The following RILPL1 variants were observed in gnomAD, a reference collection of about 807,000 sequenced individuals.
RILPL1 encodes the protein Rab interacting lysosomal protein like 1, also known as RILP-like protein 1.
Under a neutral mutation model 50.3 loss-of-function variants are expected in RILPL1, and 33 were observed. That is an observed-to-expected ratio of 0.66 (90% CI 0.50 to 0.88). RILPL1 has a LOEUF of 0.88. RILPL1 is among the 40% of genes least tolerant of loss of function. The pLI, the probability that RILPL1 is intolerant of heterozygous loss-of-function variation, is 0.00. For synonymous variants in RILPL1, 205 were observed against 228.6 expected, an observed-to-expected ratio of 0.90 and a Z score of 0.93; for missense variants, 418 against 542.5, an observed-to-expected ratio of 0.77 and a Z score of 2.28.
chr12:123,515,232 TA>T (rs1461501886), intron 2 of RILPL1: 2 of 152,072 alleles, frequency 1.3e-5, no homozygotes, highest in Non-Finnish European at 2.9e-5. Flanking sequence ...GAATTTTAAT[TA>T]AAATACATAA....
In RILPL1 at chr12:123,498,700, C is replaced by T; in HGVS notation, c.645G>A (p.Val215=). 6.2e-7 allele frequency: 1 copy of T among 1,613,720 alleles called. No homozygotes were observed. The highest frequency in any genetic ancestry group is 1.6e-4 in the Middle Eastern group (1 of 6,062). Residue 215 remains valine, a synonymous_variant, in exon 4 of 7, where the codon GTG becomes GTA. Coordinates refer to ENST00000376874, the MANE Select transcript of RILPL1 (RefSeq NM_178314.5). This position sits in a 1 kb window ranked among gnomAD's most constrained non-coding sequence, Gnocchi z 4.3. ...CGATCAGGGCTTTCCCCTGGGCCTC[C>T]ACCACCGTGACCCGGTGCCGAAGGT... is the stretch of plus-strand genomic sequence containing the variant. ...NHDLRHRVTV[V]EAQGKALIEQ...
Position 123,512,884 on chromosome 12 carries a change from G to C in RILPL1, c.460+10611C>G, listed in dbSNP as rs552520527. Among the ~76,000 whole-genome samples, 1,071 of 147,364 alleles carry C rather than the reference G, an allele frequency of 7.3e-3. 9 individuals carry two copies. Among genetic ancestry groups the C allele is most frequent in the Non-Finnish European group, 0.012 (779 of 66,842 alleles). ...TGTGTGGTGTGTGAGGTCTGTGTGT[G>C]TGTGGTGTGTGCAGTGTGAGTGCGT... On this transcript the variant is annotated intron_variant, in intron 2 of 6. Transcript: ENST00000376874.
intron 2 of RILPL1, among the ~76,000 whole-genome samples, chr12:123,504,217 G>A (rs1004457125): frequency 1.3e-5 from 2 of 152,112 alleles, no homozygotes; most frequent in Non-Finnish European, 2.9e-5. Context: ...GAACAAGGGG[G>A]AAACGTCCCT....
At chr12:123,510,079 CA>C (rs1883993521) in intron 2 of RILPL1, among the ~76,000 whole-genome samples, 1 of 152,220 alleles carries the variant, frequency 6.6e-6, no homozygotes, top group African/African-American at 2.4e-5. Flanking sequence ...CAGGTGGCCG[CA>C]GGAGTTGCTC....
chr12:123,521,684 TACACAC>T (rs1176692874), intron 2 of RILPL1, among the ~76,000 whole-genome samples: 679 of 18,780 alleles, frequency 0.036, 19 homozygotes, highest in Admixed American at 0.27. Flanking sequence ...TATATATATA[TACACAC>T]ATATATGTAT....
At chr12:123,476,854 A>G (rs766813872) in intron 6 of RILPL1, among the ~76,000 whole-genome samples, 7 of 152,232 alleles carry the variant, frequency 4.6e-5, no homozygotes, top group Admixed American at 6.5e-5. Flanking sequence ...GAGGGATGAC[A>G]GAGTGGCTCC....
intron 2 of RILPL1, among the ~76,000 whole-genome samples, chr12:123,512,874 GTC>G (rs985207647): frequency 3.6e-5 from 5 of 139,358 alleles, no homozygotes; most frequent in African/African-American, 1.1e-4. Flanking sequence ...GGTGTGTGAG[GTC>G]TGTGTGTGTG....
At chr12:123,523,129 G>C (rs182044207) in intron 2 of RILPL1, among the ~76,000 whole-genome samples, 2 of 152,168 alleles carry the variant, frequency 1.3e-5, no homozygotes, top group Non-Finnish European at 2.9e-5. Context: ...GCCGCCCCCT[G>C]GAACTATGGT....
chr12:123,483,842 C>T (rs1882150007), intron 6 of RILPL1, among the ~76,000 whole-genome samples: 1 of 152,150 alleles, frequency 6.6e-6, no homozygotes, highest in South Asian at 2.1e-4. Context: ...CACAACCCAC[C>T]CCTACCTCGC....
chr12:123,475,596 G>C, intron 6 of RILPL1: 1 of 1,032,716 alleles, frequency 9.7e-7, no homozygotes, highest in South Asian at 1.3e-5. Flanking sequence ...GTCAGCCCCA[G>C]CAGTAGCCGA....
intron 2 of RILPL1, among the ~76,000 whole-genome samples, chr12:123,500,977 G>A (rs572042309): frequency 4.5e-4 from 69 of 151,846 alleles, no homozygotes; most frequent in African/African-American, 6.5e-4. Flanking sequence ...CTATGGTGGC[G>A]GGCACCTGTA....
chr12:123,493,343 T>A (rs887626456), intron 4 of RILPL1, among the ~76,000 whole-genome samples: 49 of 150,804 alleles, frequency 3.2e-4, no homozygotes, highest in African/African-American at 9.5e-4. Context: ...CTCTCCCCAC[T>A]ATTGTCTTGT....
intron 2 of RILPL1, among the ~76,000 whole-genome samples, chr12:123,505,863 G>A (rs147029445): frequency 3.3e-5 from 5 of 152,280 alleles, no homozygotes; most frequent in African/African-American, 1.2e-4. Flanking sequence ...GGGCTCAAGC[G>A]ATCTTCCCAC....
chr12:123,503,177 A>G lies in RILPL1; in HGVS notation c.461-3641T>C, dbSNP rs535375162. Among the ~76,000 whole-genome samples the G allele has an allele frequency of 1.6e-3, 186 of 113,574 alleles. 3 individuals carry two copies. In the East Asian group the frequency reaches 0.036, roughly 22 times the overall value. The allele number at this position is 113,574 out of a possible 152,430, so 74.5% of individuals were successfully genotyped here. On this transcript the variant is annotated intron_variant, in intron 2 of 6. Coordinates refer to ENST00000376874, the MANE Select transcript of RILPL1 (RefSeq NM_178314.5). ...CTGGGATTTACAGGCGTGAACCACC[A>G]CGCCTGGCCTTTTTTTTTTTTTTTT...
chr12:123,524,822 G>T (rs777309155), intron 1 of RILPL1, among the ~76,000 whole-genome samples: 1 of 152,182 alleles, frequency 6.6e-6, no homozygotes, highest in Non-Finnish European at 1.5e-5. Flanking sequence ...TCTTTTGGGG[G>T]GTGATGAAAA....
intron 2 of RILPL1, among the ~76,000 whole-genome samples, chr12:123,504,014 AAAAAG>A (rs982629372): frequency 1.3e-4 from 20 of 151,918 alleles, no homozygotes; most frequent in African/African-American, 4.8e-4. Flanking sequence ...AAAAAAAAAA[AAAAAG>A]AAAGATCTGG....
chr12:123,472,347 A>G lies in RILPL1; in HGVS notation c.*191T>C. Reference sequence around the variant, plus strand: ...GAAACAGTGATAGCCCTGGGTATAAATAAACATTTCTTTAGAGTTTGGCGT... The same window carrying G: ...GAAACAGTGATAGCCCTGGGTATAAGTAAACATTTCTTTAGAGTTTGGCGT... On this transcript the variant is annotated 3_prime_UTR_variant, in exon 7 of 7. Transcript: ENST00000376874. The G allele has an allele frequency of 1.7e-6, 1 of 590,346 alleles. No homozygotes were observed. Among genetic ancestry groups the G allele is most frequent in the East Asian group, 2.8e-5 (1 of 35,696 alleles). The allele number at this position is 590,346 out of a possible 1,614,324, so 36.6% of individuals were successfully genotyped here. A position where few individuals can be genotyped will look rare whatever the true frequency, so the allele number is the denominator to read the frequency against.
Position 123,533,164 on chromosome 12 carries a change from C to A in RILPL1, c.309+10G>T. The stretch of plus-strand genomic sequence containing the variant: ...ACTGCCCGGACGGACAGACCGAGGC[C>A]GCCGCCCACCTTCTGGTGCTTGCGC... On this transcript the variant is annotated intron_variant, in intron 1 of 6. Transcript: ENST00000376874. The surrounding 1 kb of genome is among the most constrained non-coding windows in gnomAD (Gnocchi z 6.2). 6.6e-7 allele frequency: 1 copy of A among 1,525,322 alleles called. No homozygotes were observed. Among genetic ancestry groups the A allele is most frequent in the Admixed American group, 1.9e-5 (1 of 51,552 alleles). The allele number at this position is 1,525,322 out of a possible 1,614,324, so 94.5% of individuals were successfully genotyped here.
At chr12:123,509,717 C>T (rs751804967) in intron 2 of RILPL1, among the ~76,000 whole-genome samples, 3 of 152,198 alleles carry the variant, frequency 2.0e-5, no homozygotes, top group African/African-American at 4.8e-5. Context: ...AGACCACAGA[C>T]GTGGACGTCG....
Sources: allele counts gnomAD v4.1 joint callset (sites outside exome capture counted in the v4.1 genomes callset), GRCh38; gene constraint gnomAD v4.1.1; non-coding constraint Gnocchi (gnomAD v3.1); transcripts MANE v1.5; gene names NCBI Gene and HGNC (gene_info 2026-07-23, HGNC 2026-07-21).